The following ATRNL1 variants were observed in gnomAD, a reference collection of about 807,000 sequenced individuals.
ATRNL1 encodes the protein attractin-like protein 1.
In ATRNL1, 95 loss-of-function variants were observed where a neutral mutation model predicts 182.7. The observed-to-expected ratio is 0.52, with a 90% CI of 0.44 to 0.62. The LOEUF (loss-of-function observed/expected upper bound fraction) is 0.62. ATRNL1 is among the 20% of genes least tolerant of loss of function. ATRNL1 has a pLI of 0.00. For synonymous variants in ATRNL1, 576 were observed against 568.3 expected (o/e 1.01, Z -0.19); for missense variants, 1,471 against 1,679.5 (o/e 0.88, Z 2.17).
chr10:115,263,629 T>C (rs1851482876), intron 10 of ATRNL1, among the ~76,000 whole-genome samples: 1 of 151,820 alleles, frequency 6.6e-6, no homozygotes, highest in South Asian at 2.1e-4. Context: ...ACTTTGGAAC[T>C]TTTATGTGTA....
intron 28 of ATRNL1, among the ~76,000 whole-genome samples, chr10:115,922,071 G>A (rs1326173642): frequency 6.6e-6 from 1 of 152,172 alleles, no homozygotes. Context: ...GTAGGTCAAG[G>A]AGGTGCCAGA....
At chr10:115,448,902 C>T (rs1236196092) in intron 21 of ATRNL1, among the ~76,000 whole-genome samples, 1 of 148,954 alleles carries the variant, frequency 6.7e-6, no homozygotes, top group African/African-American at 2.6e-5. Flanking sequence ...AAGCATAGGT[C>T]CTGATGAATT....
At chr10:115,301,366 C>A (rs1218642985) in intron 16 of ATRNL1, among the ~76,000 whole-genome samples, 1 of 152,126 alleles carries the variant, frequency 6.6e-6, no homozygotes, top group African/African-American at 2.4e-5. Context: ...TATTTATTTC[C>A]TATTATTTTT....
chr10:115,304,267 C>T (rs1853620013), intron 17 of ATRNL1, among the ~76,000 whole-genome samples: 1 of 152,168 alleles, frequency 6.6e-6, no homozygotes, highest in Non-Finnish European at 1.5e-5. Context: ...GATGAAAATA[C>T]AAACAACTAT....
chr10:115,553,190 T>C (rs542542740), intron 26 of ATRNL1, among the ~76,000 whole-genome samples: 2 of 151,416 alleles, frequency 1.3e-5, no homozygotes, highest in East Asian at 1.9e-4. Context: ...ATATGATGCA[T>C]ATTTTAATAG....
intron 26 of ATRNL1, among the ~76,000 whole-genome samples, chr10:115,641,869 C>G (rs912361105): frequency 1.2e-4 from 18 of 151,550 alleles, no homozygotes; most frequent in African/African-American, 4.4e-4. Flanking sequence ...ATATTCTTTG[C>G]CCATGTAATA....
At chr10:115,577,785 A>G (rs1438753735) in intron 26 of ATRNL1, among the ~76,000 whole-genome samples, 5 of 151,654 alleles carry the variant, frequency 3.3e-5, no homozygotes, top group Admixed American at 1.3e-4. Context: ...TATCAGTACT[A>G]TGTTTAACAG....
rs1177354835 is a variant in ATRNL1, at chr10:115,488,271, G to T, written c.3654+18942G>T. 5.9e-5 allele frequency among the ~76,000 whole-genome samples: 9 copies of T among 152,238 alleles called. No homozygotes were observed. The South Asian group carries it at 1.0e-3, about 18-fold the overall frequency. ...AGGGAGGATTCCTTCTTTTTCTATT[G>T]TTTGGAATAGTTTCAGAAGGAATGG... is the stretch of plus-strand genomic sequence containing the variant. On this transcript the variant is annotated intron_variant, in intron 24 of 28. Transcript: ENST00000355044.
chr10:115,464,362 C>T (rs1050297405), intron 22 of ATRNL1, among the ~76,000 whole-genome samples: 1 of 151,898 alleles, frequency 6.6e-6, no homozygotes, highest in African/African-American at 2.4e-5. Context: ...TTTTAACTCG[C>T]TATCCATCAC....
chr10:115,511,384 A>G (rs1554982650), intron 24 of ATRNL1, among the ~76,000 whole-genome samples: 1 of 151,964 alleles, frequency 6.6e-6, no homozygotes, highest in African/African-American at 2.4e-5. Context: ...AGATATGACT[A>G]GTTAACTAGC....
chr10:115,774,751 T>C (rs1363714911), intron 27 of ATRNL1, among the ~76,000 whole-genome samples: 5 of 152,170 alleles, frequency 3.3e-5, no homozygotes, highest in African/African-American at 1.2e-4. Context: ...ACATAATTCC[T>C]ACCACTGACA....
chr10:115,658,559 T>A lies in ATRNL1; in HGVS notation c.3796-68689T>A, dbSNP rs537658110. Among the ~76,000 whole-genome samples the A allele has an allele frequency of 8.3e-4, 127 of 152,290 alleles. 1 individual carries two copies. The highest frequency in any genetic ancestry group is 2.9e-4 in the Non-Finnish European group (20 of 68,014). On this transcript the variant is annotated intron_variant, in intron 26 of 28. Coordinates refer to ENST00000355044, the MANE Select transcript of ATRNL1 (RefSeq NM_207303.4). The stretch of plus-strand genomic sequence containing the variant: ...AAACTTTTAAGCAATTTGTTTCAAA[T>A]TAGCAGCATTCTCCACTGAAGGAGG...
chr10:115,225,704 T>C (rs778113379), intron 9 of ATRNL1, among the ~76,000 whole-genome samples: 74 of 151,282 alleles, frequency 4.9e-4, no homozygotes, highest in Middle Eastern at 3.4e-3. Flanking sequence ...AAAACCTTAT[T>C]GTGAGAAATT....
At chr10:115,166,301 A>G (rs782318021) in intron 7 of ATRNL1, among the ~76,000 whole-genome samples, 1 of 152,016 alleles carries the variant, frequency 6.6e-6, no homozygotes, top group East Asian at 1.9e-4. Flanking sequence ...TTATCCATCC[A>G]TCTGTTGATG....
chr10:115,862,609 G>A (rs530697027), intron 28 of ATRNL1, among the ~76,000 whole-genome samples: 159 of 152,340 alleles, frequency 1.0e-3, no homozygotes, highest in Non-Finnish European at 1.5e-3. Flanking sequence ...AAGAATGCAA[G>A]CTGGTACAAC....
chr10:115,806,486 GC>G (rs1321622352), intron 27 of ATRNL1, among the ~76,000 whole-genome samples: 1 of 152,074 alleles, frequency 6.6e-6, no homozygotes, highest in Non-Finnish European at 1.5e-5. Context: ...ATAAATATAT[GC>G]TACAGTTGCA....
chr10:115,720,730 T>C (rs1303674687), intron 26 of ATRNL1, among the ~76,000 whole-genome samples: 18 of 152,192 alleles, frequency 1.2e-4, no homozygotes, highest in African/African-American at 4.3e-4. Flanking sequence ...GTGAGCTACA[T>C]GAAGAAAACA....
At chr10:115,621,309 AGAGAGT>A (rs539455733) in intron 26 of ATRNL1, among the ~76,000 whole-genome samples, 16,953 of 118,464 alleles carry the variant, frequency 0.14, 1,844 homozygotes, top group Non-Finnish European at 0.21. Flanking sequence ...AGAGAGAGAG[AGAGAGT>A]GTGTGAGTGA....
chr10:115,713,681 C>CTA (rs1947142484), intron 26 of ATRNL1, among the ~76,000 whole-genome samples: 1 of 107,924 alleles, frequency 9.3e-6, no homozygotes, highest in South Asian at 2.9e-4. Flanking sequence ...TGTTTTCTAT[C>CTA]TATCTATCTA....
Sources: allele counts gnomAD v4.1 joint callset (sites outside exome capture counted in the v4.1 genomes callset), GRCh38; gene constraint gnomAD v4.1.1; transcripts MANE v1.5; gene names NCBI Gene and HGNC (gene_info 2026-07-23, HGNC 2026-07-21).